Variants in EYA1 observed in about 807,000 individuals in gnomAD.
The protein encoded by EYA1 is protein phosphatase EYA1.
Under a neutral mutation model 82.0 loss-of-function variants are expected in EYA1, and 16 were observed. That is an observed-to-expected ratio of 0.20 (90% CI 0.13 to 0.30). The LOEUF (loss-of-function observed/expected upper bound fraction) is 0.30, where lower values mean the gene tolerates loss of function less well. Ranked by LOEUF, EYA1 falls within the 10% of genes least tolerant of loss-of-function variation. The probability of loss-of-function intolerance (pLI) is 1.00; values close to 1 mark genes in which losing one functional copy is unlikely to be tolerated. For synonymous variants in EYA1, 261 were observed against 264.4 expected (o/e 0.99, Z 0.12); for missense variants, 633 against 730.7 (o/e 0.87, Z 1.54).
At chr8:71,251,028 C>T (rs781051397) in intron 11 of EYA1, among the ~76,000 whole-genome samples, 3 of 152,106 alleles carry the variant, frequency 2.0e-5, no homozygotes, top group South Asian at 2.1e-4. Flanking sequence ...AAACATTAAA[C>T]GTGTTCACTA....
chr8:71,317,454 C>T, intron 7 of EYA1, 98 bp downstream of exon 7: 2 of 1,283,848 alleles, frequency 1.6e-6, no homozygotes, highest in African/African-American at 2.9e-5. Context: ...ATCCAGTTGC[C>T]ATCATCATTT....
chr8:71,350,072 A>C (rs1482021173), intron 3 of EYA1, among the ~76,000 whole-genome samples: 4 of 152,206 alleles, frequency 2.6e-5, no homozygotes, highest in Admixed American at 2.0e-4. Flanking sequence ...GTCATTTAGA[A>C]ACTCCTTTAT....
chr8:71,283,463 T>G (rs1818043422), intron 9 of EYA1, among the ~76,000 whole-genome samples: 1 of 152,196 alleles, frequency 6.6e-6, no homozygotes, highest in South Asian at 2.1e-4. Flanking sequence ...AGAGGCTTGA[T>G]TTTTGCTCAC....
intron 2 of EYA1, among the ~76,000 whole-genome samples, chr8:71,481,902 T>C (rs1810190870): frequency 6.6e-6 from 1 of 152,134 alleles, no homozygotes; most frequent in Non-Finnish European, 1.5e-5. Flanking sequence ...GTTGATTTAT[T>C]CTGATGCCCA....
chr8:71,207,792 AAAG>A (rs1204198118), intron 17 of EYA1, among the ~76,000 whole-genome samples: 9 of 145,898 alleles, frequency 6.2e-5, no homozygotes, highest in Admixed American at 3.6e-4. Context: ...GTGATCTAGG[AAAG>A]AAGGTTAAAA....
intron 2 of EYA1, among the ~76,000 whole-genome samples, chr8:71,422,883 A>G (rs1831220741): frequency 6.6e-6 from 1 of 152,176 alleles, no homozygotes; most frequent in Admixed American, 6.5e-5. Context: ...TCAACAATTC[A>G]TGATGAGATT....
intron 12 of EYA1, among the ~76,000 whole-genome samples, chr8:71,226,213 A>T (rs1810536302): frequency 6.6e-6 from 1 of 152,124 alleles, no homozygotes; most frequent in African/African-American, 2.4e-5. Context: ...ATGTTTTTCA[A>T]AGTTTTGATA....
At chr8:71,498,049 G>C (rs1478877740) in intron 2 of EYA1, among the ~76,000 whole-genome samples, 1 of 151,902 alleles carries the variant, frequency 6.6e-6, no homozygotes, top group African/African-American at 2.4e-5. Flanking sequence ...GGGTGGTTGG[G>C]GGCAGAGTGG....
In EYA1 at chr8:71,351,496, CAG is replaced by C. The variant is rs1826302501; in HGVS notation, c.124+3284_124+3285del. Reference sequence around the variant, plus strand: ...AGTTAACTTCAACAGTAACAATTCACAGAGGGGTTGGAAGGATGTATAAAAAT... The same window carrying C: ...AGTTAACTTCAACAGTAACAATTCACAGGGGTTGGAAGGATGTATAAAAAT... On this transcript the variant is annotated intron_variant, in intron 3 of 17. Transcript: ENST00000340726. 2.0e-5 allele frequency among the ~76,000 whole-genome samples: 3 copies of C among 152,082 alleles called. No homozygotes were observed. In the South Asian group the frequency reaches 6.2e-4, roughly 31 times the overall value.
chr8:71,244,921 GA>G (rs1437458326), intron 11 of EYA1, among the ~76,000 whole-genome samples: 3 of 152,096 alleles, frequency 2.0e-5, no homozygotes, highest in Admixed American at 2.0e-4. Flanking sequence ...ACACACTGAA[GA>G]AAAAACTCTT....
chr8:71,204,814 A>G (rs1377837002), intron 17 of EYA1, among the ~76,000 whole-genome samples: 5 of 152,262 alleles, frequency 3.3e-5, no homozygotes, highest in African/African-American at 1.2e-4. Flanking sequence ...ACTTATTATG[A>G]AACTTATTGT....
At chr8:71,497,857 T>C (rs572484197) in intron 2 of EYA1, among the ~76,000 whole-genome samples, 23 of 152,296 alleles carry the variant, frequency 1.5e-4, no homozygotes, top group African/African-American at 5.3e-4. Context: ...TTGTGGTATA[T>C]ATAATGGAAT....
intron 2 of EYA1, among the ~76,000 whole-genome samples, chr8:71,398,078 A>G (rs1486412089): frequency 2.0e-5 from 3 of 151,906 alleles, no homozygotes; most frequent in Non-Finnish European, 4.4e-5. Context: ...CACTTGATCA[A>G]ATCTTGTACT....
chr8:71,508,544 T>G (rs1357882670), intron 2 of EYA1, among the ~76,000 whole-genome samples: 1 of 152,184 alleles, frequency 6.6e-6, no homozygotes, highest in Non-Finnish European at 1.5e-5. Flanking sequence ...GAGTATTAGG[T>G]GTTGCCTTTG....
At chr8:71,260,829 G>A (rs551811477) in intron 11 of EYA1, among the ~76,000 whole-genome samples, 12 of 152,290 alleles carry the variant, frequency 7.9e-5, no homozygotes, top group African/African-American at 1.9e-4. Context: ...TGAAAATCTT[G>A]TTAAGTATGC....
At chr8:71,390,393 A>G (rs116080113) in intron 2 of EYA1, among the ~76,000 whole-genome samples, 3,680 of 151,934 alleles carry the variant, frequency 0.024, 147 homozygotes, top group African/African-American at 0.082. Flanking sequence ...CTCCTGAGTA[A>G]CTGTGACTAC....
chr8:71,450,625 G>A (rs1263246409), intron 2 of EYA1, among the ~76,000 whole-genome samples: 1 of 152,188 alleles, frequency 6.6e-6, no homozygotes, highest in African/African-American at 2.4e-5. Flanking sequence ...CACAAAGGGA[G>A]CATGTGCTGT....
intron 2 of EYA1, among the ~76,000 whole-genome samples, chr8:71,421,209 G>T (rs2129149423): frequency 6.6e-6 from 1 of 152,238 alleles, no homozygotes; most frequent in Admixed American, 6.5e-5. Flanking sequence ...TCAATTCCAG[G>T]GGTGATCAAT....
intron 2 of EYA1, among the ~76,000 whole-genome samples, chr8:71,497,465 A>G (rs2129232635): frequency 6.6e-6 from 1 of 152,382 alleles, no homozygotes; most frequent in South Asian, 2.1e-4. Context: ...CAGGTATATG[A>G]CAATATGCTT....
Sources: allele counts gnomAD v4.1 joint callset (sites outside exome capture counted in the v4.1 genomes callset), GRCh38; gene constraint gnomAD v4.1.1; transcripts MANE v1.5; gene names NCBI Gene and HGNC (gene_info 2026-07-23, HGNC 2026-07-21).